Variants in SIK3 observed in about 807,000 individuals in gnomAD.
The protein encoded by SIK3 is serine/threonine-protein kinase SIK3.
Under a neutral mutation model 144.2 loss-of-function variants are expected in SIK3, and 28 were observed. That is an observed-to-expected ratio of 0.19 (90% CI 0.14 to 0.27). The LOEUF (loss-of-function observed/expected upper bound fraction) is 0.27. Among genes scored for constraint, SIK3 ranks in the 10% least tolerant of loss-of-function variants. The pLI is 1.00. For synonymous variants in SIK3, 686 were observed against 676.3 expected, an observed-to-expected ratio of 1.01 and a Z score of -0.22; for missense variants, 1,319 against 1,776.0, an observed-to-expected ratio of 0.74 and a Z score of 4.62.
chr11:117,091,463 C>T (rs1379935084), intron 1 of SIK3, among the ~76,000 whole-genome samples: 4 of 152,038 alleles, frequency 2.6e-5, no homozygotes, highest in Non-Finnish European at 5.9e-5. Flanking sequence ...GCCTCAGCCT[C>T]CCAAAGTGCT....
At chr11:116,966,997 C>A (rs1248119280) in intron 1 of SIK3, among the ~76,000 whole-genome samples, 2 of 85,672 alleles carry the variant, frequency 2.3e-5, no homozygotes, top group African/African-American at 1.5e-4. Flanking sequence ...GAGCAAGACT[C>A]TGTTTCAAAA....
intron 14 of SIK3, 25 bp from the exon 15 acceptor site, chr11:116,868,114 A>G (rs1177136525): frequency 5.2e-6 from 8 of 1,550,500 alleles, no homozygotes; most frequent in South Asian, 1.2e-5. Flanking sequence ...AGCACATTTC[A>G]TAGTAAAAAA....
At chr11:116,892,451 T>C (rs1220142861) in intron 6 of SIK3, among the ~76,000 whole-genome samples, 1 of 152,062 alleles carries the variant, frequency 6.6e-6, no homozygotes. Context: ...AGATGGCAAA[T>C]AAGCATAAGA....
At chr11:116,881,680 GA>G (rs1175317280) in intron 6 of SIK3, among the ~76,000 whole-genome samples, 2 of 151,962 alleles carry the variant, frequency 1.3e-5, no homozygotes, top group Non-Finnish European at 2.9e-5. Context: ...GGCATACCAA[GA>G]GAGCAAAAAT....
intron 1 of SIK3, among the ~76,000 whole-genome samples, chr11:117,085,294 T>C (rs1032178399): frequency 2.6e-5 from 4 of 152,070 alleles, no homozygotes; most frequent in Non-Finnish European, 5.9e-5. Context: ...CTTATTTTTA[T>C]TTTTTGGTAG....
At position 116,945,875 on chromosome 11, in the gene SIK3, G is replaced by A. The variant is rs75958227; in HGVS notation, c.454+8169C>T. Among the ~76,000 whole-genome samples, 1,719 of 152,148 alleles carry A rather than the reference G, an allele frequency of 0.011. 59 individuals are homozygous for A. The East Asian group carries it at 0.12, about 10-fold the overall frequency. ...GCCCTCTCTCTCATTCCTCCCTGCA[G>A]CTAATTTCACTTTCTCCATGCTGAT... On this transcript the variant is annotated intron_variant, in intron 3 of 24. Transcript: ENST00000445177.
intron 1 of SIK3, among the ~76,000 whole-genome samples, chr11:116,987,022 A>T (rs1400758755): frequency 6.6e-6 from 1 of 152,174 alleles, no homozygotes; most frequent in Admixed American, 6.6e-5. Flanking sequence ...TGCAAGATGA[A>T]AAGAGTCCTG....
chr11:116,941,771 G>A (rs1458021797), intron 3 of SIK3, among the ~76,000 whole-genome samples: 2 of 152,098 alleles, frequency 1.3e-5, no homozygotes, highest in African/African-American at 2.4e-5. Context: ...CTGGTATTCA[G>A]GAAATTTTGC....
Position 116,849,020 on chromosome 11 carries a change from G to T in SIK3, c.3819+100C>A. ...TTTCCAGAAAGGCTGAATGCTGACT[G>T]AGGAGAGCGGCCAAGAGAGGCTACC... On this transcript the variant is annotated intron_variant, in intron 22 of 24. Transcript: ENST00000445177. The surrounding 1 kb of genome is among the most constrained non-coding windows in gnomAD (Gnocchi z 4.2). 7.5e-7 allele frequency: 1 copy of T among 1,326,278 alleles called. No homozygotes were observed. The highest frequency in any genetic ancestry group is 1.0e-6 in the Non-Finnish European group (1 of 986,354). 82.2% of individuals were successfully genotyped at this position (1,326,278 alleles called of 1,614,324 possible).
chr11:116,953,268 T>C (rs1160391351), intron 3 of SIK3, among the ~76,000 whole-genome samples: 2 of 152,198 alleles, frequency 1.3e-5, no homozygotes, highest in South Asian at 2.1e-4. Flanking sequence ...TTCATATTGA[T>C]AAATTTTTTT....
chr11:117,034,173 C>T (rs1952391907), intron 1 of SIK3, among the ~76,000 whole-genome samples: 1 of 152,128 alleles, frequency 6.6e-6, no homozygotes, highest in Non-Finnish European at 1.5e-5. Context: ...TAAGTTATCA[C>T]ATAGAACATG....
At chr11:116,883,549 T>C (rs12416987) in intron 6 of SIK3, among the ~76,000 whole-genome samples, 10,828 of 152,282 alleles carry the variant, frequency 0.071, 449 homozygotes, top group Middle Eastern at 0.12. Context: ...CAAGAAACAC[T>C]GTCAATGTCA....
At position 116,867,288 on chromosome 11, in the gene SIK3, A is replaced by G. The variant is rs1337877303; in HGVS notation, c.1952+658T>C. 2.6e-5 allele frequency among the ~76,000 whole-genome samples: 4 copies of G among 152,240 alleles called. No homozygotes were observed. The highest frequency in any genetic ancestry group is 5.9e-5 in the Non-Finnish European group (4 of 68,050). ...AAGATAATCATCTTCTTCAACTAGCAAAGTGTCATTCCGCAGCTGCTTCCA... is the reference window on the plus strand; with the variant it reads ...AAGATAATCATCTTCTTCAACTAGCGAAGTGTCATTCCGCAGCTGCTTCCA... On this transcript the variant is annotated intron_variant, in intron 15 of 24. Transcript: ENST00000445177. The surrounding 1 kb of genome is among the most constrained non-coding windows in gnomAD (Gnocchi z 4.1).
chr11:116,874,944 T>C (rs1944169140), intron 11 of SIK3, among the ~76,000 whole-genome samples: 1 of 152,178 alleles, frequency 6.6e-6, no homozygotes, highest in African/African-American at 2.4e-5. Context: ...GAAAACACTT[T>C]GGGAAACTGT....
At chr11:117,096,304 C>G (rs1955467711) in intron 1 of SIK3, among the ~76,000 whole-genome samples, 1 of 152,150 alleles carries the variant, frequency 6.6e-6, no homozygotes, top group African/African-American at 2.4e-5. Context: ...ATAAACCAGG[C>G]AACCAATTAA....
chr11:116,922,337 T>TA (rs1322488054), intron 4 of SIK3, among the ~76,000 whole-genome samples: 1 of 151,990 alleles, frequency 6.6e-6, no homozygotes, highest in Non-Finnish European at 1.5e-5. Flanking sequence ...AAAAAATGTT[T>TA]AAAATTAGCG....
At chr11:117,091,602 T>A (rs1955251627) in intron 1 of SIK3, among the ~76,000 whole-genome samples, 1 of 152,150 alleles carries the variant, frequency 6.6e-6, no homozygotes, top group South Asian at 2.1e-4. Context: ...TCATGCCCAA[T>A]AAATCAACAA....
chr11:117,026,104 A>G (rs1406776204), intron 1 of SIK3, among the ~76,000 whole-genome samples: 1 of 152,220 alleles, frequency 6.6e-6, no homozygotes, highest in Non-Finnish European at 1.5e-5. Context: ...ACAGTCGTGC[A>G]CCATATACCA....
chr11:116,857,618 C>T, intron 21 of SIK3, 192 bp downstream of exon 21: 1 of 820,166 alleles, frequency 1.2e-6, no homozygotes, highest in East Asian at 2.8e-5. Flanking sequence ...GTATCATGGT[C>T]CTTTGATTTT....
Sources: gnomAD v4.1 joint callset for allele counts (sites outside exome capture counted in the v4.1 genomes callset) on GRCh38, gnomAD v4.1.1 for gene constraint, Gnocchi (gnomAD v3.1) non-coding constraint, MANE v1.5 for transcripts, NCBI Gene and HGNC (gene_info 2026-07-23, HGNC 2026-07-21) for gene names.